GABRA4: variants seen among roughly 807,000 people sequenced by gnomAD.
GABRA4 encodes gamma-aminobutyric acid receptor subunit alpha-4.
A neutral mutation model predicts 49.7 loss-of-function variants in GABRA4; 12 were observed. The observed-to-expected ratio is 0.24, with a 90% CI of 0.15 to 0.39. GABRA4 has a LOEUF of 0.39. GABRA4 is among the 10% of genes least tolerant of loss of function. GABRA4 has a pLI of 1.00. For missense variants in GABRA4, 506 were observed against 686.0 expected, an observed-to-expected ratio of 0.74 and a Z score of 2.93; for synonymous variants, 288 against 240.2, an observed-to-expected ratio of 1.20 and a Z score of -1.84.
chr4:46,969,182 A>G (rs965199377), intron 7 of GABRA4, among the ~76,000 whole-genome samples: 1 of 151,532 alleles, frequency 6.6e-6, no homozygotes, highest in Non-Finnish European at 1.5e-5. Flanking sequence ...TTCTGCACTT[A>G]TGACACTATC....
At chr4:46,955,061 G>A (rs977023960) in intron 8 of GABRA4, among the ~76,000 whole-genome samples, 3 of 152,116 alleles carry the variant, frequency 2.0e-5, no homozygotes, top group East Asian at 1.9e-4. Flanking sequence ...TGATGATGTT[G>A]ATGACATGCT....
chr4:46,964,013 T>G (rs890118236), intron 8 of GABRA4, among the ~76,000 whole-genome samples: 1 of 151,862 alleles, frequency 6.6e-6, no homozygotes, highest in Non-Finnish European at 1.5e-5. Context: ...GCAACCTAAG[T>G]GTCTATAAAC....
At position 46,949,001 on chromosome 4, in the gene GABRA4, A is replaced by T. The variant is rs755261486; in HGVS notation, c.1134+15969T>A. Among the ~76,000 whole-genome samples the T allele has an allele frequency of 3.1e-4, 47 of 152,260 alleles. 1 individual carries two copies. Among genetic ancestry groups the T allele is most frequent in the Admixed American group, 8.5e-4 (13 of 15,274 alleles). The stretch of plus-strand genomic sequence containing the variant: ...GAGAACAAAGCAGCAGTATTTAAAG[A>T]CAGTATTTAACCGTCTTACATTATA... On this transcript the variant is annotated intron_variant, in intron 8 of 8. Coordinates refer to ENST00000264318, the MANE Select transcript of GABRA4 (RefSeq NM_000809.4).
intron 2 of GABRA4, among the ~76,000 whole-genome samples, chr4:46,989,647 C>T (rs926568894): frequency 1.3e-5 from 2 of 152,216 alleles, no homozygotes; most frequent in Admixed American, 1.3e-4. Context: ...CTATTTCAAC[C>T]CCTGCCTGGC....
chr4:46,977,589 G>A lies in GABRA4; in HGVS notation c.315C>T (p.Asp105=), dbSNP rs766740937. Residue 105 remains aspartate (D), a synonymous_variant, in exon 4 of 9, where the codon GAC becomes GAT. Transcript: ENST00000264318. ...TGGGGCCGTCATATTTTAATCTTTT[G>A]TCAATCCATGTCTGCCTGAAGAACA... The part of the protein sequence containing the change: ...MDVFFRQTWI[D]KRLKYDGPIE... 1 of 1,612,694 alleles carries A rather than the reference G, an allele frequency of 6.2e-7. No individual in the cohort carries two copies. Among genetic ancestry groups the A allele is most frequent in the Non-Finnish European group, 8.5e-7 (1 of 1,179,284 alleles).
chr4:46,990,586 A>G (rs1723708828), intron 2 of GABRA4, among the ~76,000 whole-genome samples: 1 of 152,234 alleles, frequency 6.6e-6, no homozygotes, highest in African/African-American at 2.4e-5. Flanking sequence ...TATTTAAACT[A>G]CATAGGACTG....
intron 8 of GABRA4, among the ~76,000 whole-genome samples, chr4:46,935,877 G>A (rs568967585): frequency 6.6e-6 from 1 of 152,258 alleles, no homozygotes; most frequent in East Asian, 1.9e-4. Context: ...AAAGGATGTT[G>A]CTGGTGACAA....
chr4:46,979,143 T>G (rs947506706), intron 2 of GABRA4, 45 bp from the exon 3 acceptor site: 1 of 1,209,302 alleles, frequency 8.3e-7, no homozygotes, highest in Non-Finnish European at 1.2e-6. Flanking sequence ...AATTACCAAT[T>G]TTACAGGCTG....
At chr4:46,953,513 T>C (rs1028454840) in intron 8 of GABRA4, among the ~76,000 whole-genome samples, 5 of 152,178 alleles carry the variant, frequency 3.3e-5, no homozygotes, top group South Asian at 2.1e-4. Flanking sequence ...AATGGTAATA[T>C]ATTCTAAAGT....
chr4:46,962,618 A>G (rs773291149), intron 8 of GABRA4, among the ~76,000 whole-genome samples: 8 of 151,958 alleles, frequency 5.3e-5, no homozygotes, highest in Non-Finnish European at 1.2e-4. Flanking sequence ...CCTAAAATGT[A>G]TATGGAACCA....
Position 46,924,124 on chromosome 4 carries a change from A to C in GABRA4, c.*4101T>G, listed in dbSNP as rs1188684508. 6.6e-6 allele frequency: 1 copy of C among 152,152 alleles called. No homozygotes were observed. The highest frequency in any genetic ancestry group is 2.4e-5 in the African/African-American group (1 of 41,448). The allele number at this position is 152,152 out of a possible 1,614,324, so 9.4% of individuals were successfully genotyped here. On this transcript the variant is annotated 3_prime_UTR_variant, in exon 9 of 9. Coordinates refer to ENST00000264318, the MANE Select transcript of GABRA4 (RefSeq NM_000809.4). ...GTTCCTCTCCTTCAACAATGTAATT[A>C]AGTTATGTGGATCTTTTATCCACCT...
chr4:46,926,180 A>G lies in GABRA4; in HGVS notation c.*2045T>C, dbSNP rs1305793507. 1 of 151,948 alleles carries G rather than the reference A, an allele frequency of 6.6e-6. No homozygotes were observed. The highest frequency in any genetic ancestry group is 1.5e-5 in the Non-Finnish European group (1 of 67,902). The allele number at this position is 151,948 out of a possible 1,614,324, so 9.4% of individuals were successfully genotyped here. On this transcript the variant is annotated 3_prime_UTR_variant, in exon 9 of 9. Transcript: ENST00000264318. ...CCTGGAACAAAGTACGCTCTGAATA[A>G]CTAGTAGCGAATGAATTGTGCTTCC... is the stretch of plus-strand genomic sequence containing the variant.
At chr4:46,942,123 A>G (rs143850562) in intron 8 of GABRA4, among the ~76,000 whole-genome samples, 41 of 152,238 alleles carry the variant, frequency 2.7e-4, no homozygotes, top group African/African-American at 9.4e-4. Context: ...ACAAATATTT[A>G]TTGAGTACCT....
chr4:46,951,653 G>T (rs1301075856), intron 8 of GABRA4, among the ~76,000 whole-genome samples: 1 of 151,810 alleles, frequency 6.6e-6, no homozygotes, highest in Non-Finnish European at 1.5e-5. Context: ...GTGCTAAACG[G>T]TGGGGCTTCT....
chr4:46,959,758 C>CAAAAA (rs67861758), intron 8 of GABRA4, among the ~76,000 whole-genome samples: 948 of 81,622 alleles, frequency 0.012, 17 homozygotes, highest in African/African-American at 0.033. Flanking sequence ...CATCACTTTG[C>CAAAAA]AAAAAAAAAA....
Position 46,925,580 on chromosome 4 carries a change from G to C in GABRA4, c.*2645C>G, listed in dbSNP as rs1560458058. On this transcript the variant is annotated 3_prime_UTR_variant, in exon 9 of 9. Transcript: ENST00000264318. ...ATCATTCTTCTGAGATTTTCTAAGA[G>C]GGAAAAGTGACTGGCTCTTTGCAAA... 1 of 151,562 alleles carries C rather than the reference G, an allele frequency of 6.6e-6. No homozygotes were observed. The highest frequency in any genetic ancestry group is 1.5e-5 in the Non-Finnish European group (1 of 67,762). The allele number at this position is 151,562 out of a possible 1,614,324, so 9.4% of individuals were successfully genotyped here.
At position 46,991,948 on chromosome 4, in the gene GABRA4, T is replaced by G. The variant is rs141827396; in HGVS notation, c.205+880A>C. Among the ~76,000 whole-genome samples the G allele has an allele frequency of 9.3e-3, 1,411 of 152,320 alleles. 29 individuals carry two copies. Among genetic ancestry groups the G allele is most frequent in the East Asian group, 0.043 (222 of 5,186 alleles). ...TTGCTGAAGGGTAATTAGTGCAGTG[T>G]ACTGTAAAAAACAGGGACTTTGAGA... is the stretch of plus-strand genomic sequence containing the variant. On this transcript the variant is annotated intron_variant, in intron 2 of 8. Transcript: ENST00000264318.
intron 2 of GABRA4, among the ~76,000 whole-genome samples, chr4:46,986,863 C>T (rs912596544): frequency 3.9e-5 from 6 of 152,216 alleles, no homozygotes; most frequent in African/African-American, 9.6e-5. Flanking sequence ...TCACATCCCA[C>T]GTTCTAGCTG....
At chr4:46,969,402 G>A (rs1722874346) in intron 7 of GABRA4, among the ~76,000 whole-genome samples, 1 of 151,528 alleles carries the variant, frequency 6.6e-6, no homozygotes. Flanking sequence ...TGGATGCTCA[G>A]TTTCAGTAGA....
Sources: allele counts gnomAD v4.1 joint callset (sites outside exome capture counted in the v4.1 genomes callset), GRCh38; gene constraint gnomAD v4.1.1; transcripts MANE v1.5; gene names NCBI Gene and HGNC (gene_info 2026-07-23, HGNC 2026-07-21).